NIM1K: variants seen among roughly 807,000 people sequenced by gnomAD.
NIM1K encodes NIM1 serine/threonine protein kinase.
A neutral mutation model predicts 37.1 loss-of-function variants in NIM1K; 35 were observed. That is an observed-to-expected ratio of 0.94 (90% confidence interval 0.72 to 1.25). NIM1K has a LOEUF of 1.25. NIM1K is among the 50% of genes most tolerant of loss of function. The pLI is 0.00. For synonymous variants in NIM1K, 234 were observed against 206.6 expected (o/e 1.13, Z -1.14); for missense variants, 564 against 548.0 (o/e 1.03, Z -0.29).
At chr5:43,232,531 T>C in intron 1 of NIM1K, 1 of 1,575,792 alleles carries the variant, frequency 6.3e-7, no homozygotes, top group African/African-American at 1.3e-5. Flanking sequence ...CAAGGTTCTA[T>C]GCCAGATATC....
chr5:43,251,467 G>A (rs1211241159), intron 2 of NIM1K, among the ~76,000 whole-genome samples: 2 of 152,150 alleles, frequency 1.3e-5, no homozygotes, highest in East Asian at 3.9e-4. Flanking sequence ...GTCCTTCCAT[G>A]TTTTACAAAC....
At chr5:43,223,931 C>G (rs529676515) in intron 1 of NIM1K, among the ~76,000 whole-genome samples, 4 of 151,948 alleles carry the variant, frequency 2.6e-5, no homozygotes, top group African/African-American at 9.7e-5. Flanking sequence ...AAAGACTGTC[C>G]CTCGTTTGTT....
At chr5:43,254,598 G>A (rs572352510) in intron 2 of NIM1K, among the ~76,000 whole-genome samples, 12 of 152,188 alleles carry the variant, frequency 7.9e-5, no homozygotes, top group East Asian at 1.9e-4. Context: ...GAGTGGTGGA[G>A]GAAGAAATAT....
At chr5:43,253,207 AATATATGTGTG>A (rs1466375133) in intron 2 of NIM1K, among the ~76,000 whole-genome samples, 16 of 77,866 alleles carry the variant, frequency 2.1e-4, no homozygotes, top group African/African-American at 6.2e-4. Context: ...TATATAATAT[AATATATGTGTG>A]TGTGTGTGTG....
At chr5:43,192,474 G>C (rs1007217193) in intron 1 of NIM1K, 63 bp downstream of exon 1, 1 of 152,318 alleles carries the variant, frequency 6.6e-6, no homozygotes. Context: ...CCTCTGCTAG[G>C]CTGCAGACCT....
intron 1 of NIM1K, among the ~76,000 whole-genome samples, chr5:43,198,242 TTTCTTTTCTTTCTTTCC>T (rs1751962877): frequency 4.9e-5 from 7 of 141,960 alleles, no homozygotes; most frequent in East Asian, 2.1e-4. Context: ...TCTTTCTTTC[TTTCTTTTCTTTCTTTCC>T]TTTCTTTCTT....
chr5:43,222,959 C>G (rs536516910), intron 1 of NIM1K, among the ~76,000 whole-genome samples: 3 of 151,552 alleles, frequency 2.0e-5, no homozygotes, highest in African/African-American at 7.3e-5. Context: ...ACCAACACGG[C>G]GAAACCCCAT....
chr5:43,207,370 A>G, intron 1 of NIM1K: 1 of 807,094 alleles, frequency 1.2e-6, no homozygotes, highest in South Asian at 1.3e-5. Context: ...TGATCAATAG[A>G]TGAAAGAAAT....
At chr5:43,206,735 C>T (rs1024382550) in intron 1 of NIM1K, 3 of 739,250 alleles carry the variant, frequency 4.1e-6, no homozygotes, top group Non-Finnish European at 7.6e-6. Flanking sequence ...GCACACTTGA[C>T]TTCATGCTTG....
At chr5:43,211,328 G>A (rs554506627) in intron 1 of NIM1K, among the ~76,000 whole-genome samples, 3 of 152,166 alleles carry the variant, frequency 2.0e-5, no homozygotes, top group Admixed American at 2.0e-4. Flanking sequence ...GACAGTGAAA[G>A]GTTCTGGTCT....
chr5:43,229,384 C>CAAAAAAAAAAAAAAAAAAAAAA, intron 1 of NIM1K, among the ~76,000 whole-genome samples: 1 of 90,002 alleles, frequency 1.1e-5, no homozygotes, highest in Non-Finnish European at 2.1e-5. Context: ...AACTCCATCT[C>CAAAAAAAAAAAAAAAAAAAAAA]AAAAAAAAAA....
At chr5:43,198,004 G>A (rs919887634) in intron 1 of NIM1K, among the ~76,000 whole-genome samples, 12 of 152,182 alleles carry the variant, frequency 7.9e-5, no homozygotes, top group Non-Finnish European at 1.5e-5. Context: ...AGTAAGAGGG[G>A]TAGCAACCTC....
Position 43,192,422 on chromosome 5 carries a change from G to A in NIM1K, c.-695+11G>A, listed in dbSNP as rs930950384. ...GGCCTCGCCACGAAGGTAAGCGAGG[G>A]GCTGGGGGACTCGCCGCCAGCACCC... On this transcript the variant is annotated intron_variant, in intron 1 of 3. Coordinates refer to ENST00000326035, the MANE Select transcript of NIM1K (RefSeq NM_153361.4). The A allele has an allele frequency of 5.9e-5, 9 of 152,378 alleles. No individual in the cohort carries two copies. The highest frequency in any genetic ancestry group is 1.3e-4 in the Non-Finnish European group (9 of 68,192). 9.4% of individuals were successfully genotyped at this position (152,378 alleles called of 1,614,324 possible).
At chr5:43,213,208 T>TCTTTCTTTCTTTCCTTCTTTTCTTC (rs1752237292) in intron 1 of NIM1K, among the ~76,000 whole-genome samples, 3 of 61,258 alleles carry the variant, frequency 4.9e-5, no homozygotes, top group African/African-American at 1.4e-4. Flanking sequence ...TTTCTTTCTT[T>TCTTTCTTTCTTTCCTTCTTTTCTTC]CTTTCTTTCT....
At chr5:43,279,009 A>G (rs1378495092) in intron 3 of NIM1K, among the ~76,000 whole-genome samples, 1 of 152,216 alleles carries the variant, frequency 6.6e-6, no homozygotes, top group Non-Finnish European at 1.5e-5. Context: ...TCTACTTGGA[A>G]AAGTAACTTG....
Position 43,244,889 on chromosome 5 carries a change from G to T in NIM1K, c.-694-193G>T, listed in dbSNP as rs74682532. Reference sequence around the variant, plus strand: ...CGGACCTTAGGGGCTTTTCTAAAATGTAGGTTGAGAGGTGTGTGTATATGC... The same window carrying T: ...CGGACCTTAGGGGCTTTTCTAAAATTTAGGTTGAGAGGTGTGTGTATATGC... On this transcript the variant is annotated intron_variant, in intron 1 of 3. Coordinates refer to ENST00000326035, the MANE Select transcript of NIM1K (RefSeq NM_153361.4). 2.2e-3 allele frequency among the ~76,000 whole-genome samples: 331 copies of T among 152,274 alleles called. 10 individuals are homozygous for T. The East Asian group carries it at 0.041, about 19-fold the overall frequency.
chr5:43,251,214 A>G (rs1346393157), intron 2 of NIM1K, among the ~76,000 whole-genome samples: 1 of 152,240 alleles, frequency 6.6e-6, no homozygotes, highest in African/African-American at 2.4e-5. Context: ...AAATAAGTAC[A>G]ATGCAAACAA....
intron 1 of NIM1K, among the ~76,000 whole-genome samples, chr5:43,226,526 C>T (rs6414901): frequency 0.98 from 149,093 of 152,330 alleles, 73,036 homozygotes; most frequent in Middle Eastern, 1. Flanking sequence ...TGGGGAAAAC[C>T]GTGAGAGGAA....
chr5:43,278,641 T>C (rs776214093), intron 3 of NIM1K, among the ~76,000 whole-genome samples: 2 of 152,206 alleles, frequency 1.3e-5, no homozygotes, highest in Non-Finnish European at 2.9e-5. Flanking sequence ...CTTCTCAGCC[T>C]GCATGGTTGT....
Sources: gnomAD v4.1 joint callset for allele counts (sites outside exome capture counted in the v4.1 genomes callset) on GRCh38, gnomAD v4.1.1 for gene constraint, MANE v1.5 for transcripts, NCBI Gene and HGNC (gene_info 2026-07-23, HGNC 2026-07-21) for gene names.